ERBB4: variants seen among roughly 807,000 people sequenced by gnomAD.
ERBB4 encodes the protein erb-b2 receptor tyrosine kinase 4.
In ERBB4, 42 loss-of-function variants were observed where a neutral mutation model predicts 158.0. The ratio of observed to expected loss-of-function variants is 0.27; its 90% confidence interval spans 0.21 to 0.34. ERBB4 has a LOEUF of 0.34. Ranked by LOEUF, ERBB4 falls within the 10% of genes least tolerant of loss-of-function variation. The pLI is 1.00. For synonymous variants in ERBB4, 583 were observed against 558.7 expected, an observed-to-expected ratio of 1.04 and a Z score of -0.61; for missense variants, 1,333 against 1,624.1, an observed-to-expected ratio of 0.82 and a Z score of 3.08.
intron 3 of ERBB4, among the ~76,000 whole-genome samples, chr2:211,850,393 T>G (rs2077690087): frequency 6.6e-6 from 1 of 151,740 alleles, no homozygotes; most frequent in Non-Finnish European, 1.5e-5. Context: ...TTGAATAATT[T>G]TTCAACTTGT....
At chr2:211,396,673 T>A (rs2062925866) in intron 25 of ERBB4, among the ~76,000 whole-genome samples, 1 of 152,182 alleles carries the variant, frequency 6.6e-6, no homozygotes, top group Non-Finnish European at 1.5e-5. Flanking sequence ...TTTTGGCACG[T>A]AGATTTTATT....
At chr2:211,680,038 T>C (rs951803188) in intron 12 of ERBB4, among the ~76,000 whole-genome samples, 2 of 152,162 alleles carry the variant, frequency 1.3e-5, no homozygotes, top group Non-Finnish European at 2.9e-5. Flanking sequence ...TTGCTATTAG[T>C]CAAGTCATCA....
chr2:211,708,758 T>C (rs1359192503), intron 9 of ERBB4, among the ~76,000 whole-genome samples: 1 of 152,084 alleles, frequency 6.6e-6, no homozygotes, highest in Admixed American at 6.6e-5. Flanking sequence ...TTGTTTTTAA[T>C]CACCACAATA....
intron 17 of ERBB4, among the ~76,000 whole-genome samples, chr2:211,630,015 A>C (rs1296771408): frequency 6.6e-6 from 1 of 152,244 alleles, no homozygotes; most frequent in Non-Finnish European, 1.5e-5. Flanking sequence ...AAACACCAAA[A>C]GCAATGGCAA....
chr2:211,883,704 AT>A, intron 3 of ERBB4, among the ~76,000 whole-genome samples: 1 of 152,278 alleles, frequency 6.6e-6, no homozygotes, highest in South Asian at 2.1e-4. Flanking sequence ...AGGCAAGAGA[AT>A]CGCTTGAACC....
intron 2 of ERBB4, among the ~76,000 whole-genome samples, chr2:212,016,484 TA>T (rs1163917945): frequency 6.6e-6 from 1 of 151,746 alleles, no homozygotes; most frequent in African/African-American, 2.4e-5. Flanking sequence ...TTTAAATTTA[TA>T]AAAAATCTAC....
intron 1 of ERBB4, among the ~76,000 whole-genome samples, chr2:212,240,221 C>CT (rs1210361064): frequency 6.6e-6 from 1 of 152,150 alleles, no homozygotes; most frequent in Non-Finnish European, 1.5e-5. Flanking sequence ...GGTACCTTGG[C>CT]TTTTTAGAAA....
rs531256291 is a variant in ERBB4, at chr2:211,546,534, G to T, written c.2487+15369C>A. On this transcript the variant is annotated intron_variant, in intron 20 of 27. Transcript: ENST00000342788. ...CTCCCTTGTGGCTCAATGCCCTTTG[G>T]GGTTTATTAGGCTTTCTTCTGTAAC... Among the ~76,000 whole-genome samples, 6 of 152,118 alleles carry T rather than the reference G, an allele frequency of 3.9e-5. No homozygotes were observed. The East Asian group carries it at 1.2e-3, about 29-fold the overall frequency.
At chr2:212,184,682 C>G (rs1456418577) in intron 1 of ERBB4, among the ~76,000 whole-genome samples, 1 of 151,946 alleles carries the variant, frequency 6.6e-6, no homozygotes, top group Non-Finnish European at 1.5e-5. Flanking sequence ...AATTTCATTG[C>G]AGTTACAAAA....
chr2:212,453,514 T>G (rs947271730), intron 1 of ERBB4, among the ~76,000 whole-genome samples: 1 of 152,210 alleles, frequency 6.6e-6, no homozygotes, highest in African/African-American at 2.4e-5. Flanking sequence ...TAAATAGGGT[T>G]CTTATTTAAA....
chr2:212,415,453 T>C (rs1426150781), intron 1 of ERBB4, among the ~76,000 whole-genome samples: 3 of 152,178 alleles, frequency 2.0e-5, no homozygotes, highest in Non-Finnish European at 4.4e-5. Context: ...GCATGCTGTA[T>C]ACCTGTATTT....
chr2:211,567,232 T>C (rs1238841712), intron 19 of ERBB4, among the ~76,000 whole-genome samples: 2 of 152,230 alleles, frequency 1.3e-5, no homozygotes, highest in South Asian at 2.1e-4. Flanking sequence ...CTGACTGTAC[T>C]GTTACGACAG....
At chr2:212,186,806 T>C (rs1263303182) in intron 1 of ERBB4, among the ~76,000 whole-genome samples, 2 of 152,130 alleles carry the variant, frequency 1.3e-5, no homozygotes, top group African/African-American at 4.8e-5. Context: ...AAGATAGAAG[T>C]ATGCAGCGAT....
intron 12 of ERBB4, among the ~76,000 whole-genome samples, chr2:211,696,349 G>T (rs986796384): frequency 6.6e-6 from 1 of 152,114 alleles, no homozygotes; most frequent in Non-Finnish European, 1.5e-5. Flanking sequence ...GACTGCAGGT[G>T]ATCTGCCCAC....
rs2083011562 is a variant in ERBB4 at position 212,213,855 on chromosome 2, A to G, written c.83-88952T>C. ...AGCTGTATTCTTTAGAATTTCAAAT[A>G]AGGTTTTCAGGCCAAAAGGCAATGG... On this transcript the variant is annotated intron_variant, in intron 1 of 27. Coordinates refer to ENST00000342788, the MANE Select transcript of ERBB4 (RefSeq NM_005235.3). 2.0e-5 allele frequency among the ~76,000 whole-genome samples: 3 copies of G among 151,744 alleles called. No homozygotes were observed. The Admixed American group carries it at 2.0e-4, about 10-fold the overall frequency.
At chr2:211,758,887 T>A (rs771569837) in intron 4 of ERBB4, among the ~76,000 whole-genome samples, 1 of 152,206 alleles carries the variant, frequency 6.6e-6, no homozygotes, top group African/African-American at 2.4e-5. Context: ...AGTCTGGCAC[T>A]CTCCAAAATT....
chr2:211,425,303 T>G (rs915184067), intron 22 of ERBB4, among the ~76,000 whole-genome samples: 2 of 151,998 alleles, frequency 1.3e-5, no homozygotes, highest in African/African-American at 4.8e-5. Flanking sequence ...GCTGAAGTAT[T>G]TTTTAGTTTA....
chr2:211,977,332 GA>G (rs2081638025), intron 2 of ERBB4, among the ~76,000 whole-genome samples: 1 of 151,962 alleles, frequency 6.6e-6, no homozygotes, highest in South Asian at 2.1e-4. Flanking sequence ...CTGTCAGAAA[GA>G]AAGATGATGA....
intron 2 of ERBB4, among the ~76,000 whole-genome samples, chr2:212,008,233 C>G (rs538891362): frequency 6.6e-6 from 1 of 152,108 alleles, no homozygotes; most frequent in African/African-American, 2.4e-5. Context: ...TTACAAAATG[C>G]AAATTATGAT....
Sources: allele counts gnomAD v4.1 joint callset (sites outside exome capture counted in the v4.1 genomes callset), GRCh38; gene constraint gnomAD v4.1.1; transcripts MANE v1.5; gene names NCBI Gene and HGNC (gene_info 2026-07-23, HGNC 2026-07-21).